GALNT13: variants seen among roughly 807,000 people sequenced by gnomAD.
The protein encoded by GALNT13 is polypeptide N-acetylgalactosaminyltransferase 13, also known as UDP-GalNAc:polypeptide N-acetylgalactosaminyltransferase 13.
Under a neutral mutation model 64.2 loss-of-function variants are expected in GALNT13, and 28 were observed. The ratio of observed to expected loss-of-function variants is 0.44; its 90% confidence interval spans 0.32 to 0.60. The LOEUF is 0.60. GALNT13 is among the 20% of genes least tolerant of loss of function. The pLI is 0.05. For missense variants in GALNT13, 577 were observed against 669.8 expected, an observed-to-expected ratio of 0.86 and a Z score of 1.53; for synonymous variants, 214 against 224.6, an observed-to-expected ratio of 0.95 and a Z score of 0.42.
chr2:153,129,779 A>AT, the GALNT13 span, among the ~76,000 whole-genome samples: 15,580 of 151,936 alleles, frequency 0.1, 842 homozygotes, highest in Non-Finnish European at 0.11. Context: ...AAAAAAAAAA[A>AT]GGAACCAATT....
chr2:154,101,306 AT>A (rs1702336114), intron 3 of GALNT13, among the ~76,000 whole-genome samples: 1 of 151,848 alleles, frequency 6.6e-6, no homozygotes, highest in South Asian at 2.1e-4. Context: ...GGTTGTAATA[AT>A]TTTATTACAA....
At chr2:153,165,004 C>T in the GALNT13 span, among the ~76,000 whole-genome samples, 1 of 152,188 alleles carries the variant, frequency 6.6e-6, no homozygotes, top group Non-Finnish European at 1.5e-5. Context: ...AGGTATATCC[C>T]ACTGTTTGAG....
At chr2:153,859,987 A>T in the GALNT13 span, among the ~76,000 whole-genome samples, 245 of 152,318 alleles carry the variant, frequency 1.6e-3, no homozygotes, top group African/African-American at 5.5e-3. Context: ...AATAACAAAA[A>T]TGTCAATCAC....
the GALNT13 span, among the ~76,000 whole-genome samples, chr2:153,771,463 C>T: frequency 6.6e-6 from 1 of 151,914 alleles, no homozygotes; most frequent in Non-Finnish European, 1.5e-5. Context: ...CACCAAAAAC[C>T]TGGAGATATA....
At chr2:154,003,557 A>G (rs182529940) in intron 3 of GALNT13, among the ~76,000 whole-genome samples, 1 of 152,050 alleles carries the variant, frequency 6.6e-6, no homozygotes, top group East Asian at 1.9e-4. Flanking sequence ...TCTCTTGCTG[A>G]TGTCACTCCT....
chr2:153,946,013 A>G (rs1320326200), intron 3 of GALNT13, among the ~76,000 whole-genome samples: 1 of 152,190 alleles, frequency 6.6e-6, no homozygotes, highest in Non-Finnish European at 1.5e-5. Flanking sequence ...GGGGAACATT[A>G]TAAGTCCATG....
At chr2:154,138,933 A>G (rs1683103387) in intron 3 of GALNT13, among the ~76,000 whole-genome samples, 1 of 152,118 alleles carries the variant, frequency 6.6e-6, no homozygotes, top group South Asian at 2.1e-4. Context: ...TTTGCTTTTT[A>G]AAGTGAATGA....
chr2:154,024,864 GGT>G (rs943753571), intron 3 of GALNT13, among the ~76,000 whole-genome samples: 1 of 152,182 alleles, frequency 6.6e-6, no homozygotes, highest in African/African-American at 2.4e-5. Context: ...CATACTGATG[GGT>G]TTTTGGTGTG....
At chr2:153,120,877 G>T in the GALNT13 span, among the ~76,000 whole-genome samples, 3 of 152,140 alleles carry the variant, frequency 2.0e-5, no homozygotes, top group African/African-American at 7.2e-5. Flanking sequence ...GAAGCCAAAC[G>T]TGATGTATCT....
At chr2:153,792,997 A>T in the GALNT13 span, among the ~76,000 whole-genome samples, 1 of 125,508 alleles carries the variant, frequency 8.0e-6, no homozygotes, top group Admixed American at 9.3e-5. Flanking sequence ...TTTGAGATGG[A>T]GTCTCACTCT....
At chr2:153,993,769 A>C (rs1695326756) in intron 3 of GALNT13, among the ~76,000 whole-genome samples, 1 of 151,924 alleles carries the variant, frequency 6.6e-6, no homozygotes. Flanking sequence ...AAGGATGCCA[A>C]ATTTTGGTGG....
chr2:153,199,838 G>A, the GALNT13 span, among the ~76,000 whole-genome samples: 3 of 152,112 alleles, frequency 2.0e-5, no homozygotes, highest in African/African-American at 7.2e-5. Context: ...TTTGAAGAAA[G>A]TCATTGAAAG....
At chr2:154,236,254 G>GTA in intron 4 of GALNT13, 1 of 743,178 alleles carries the variant, frequency 1.3e-6, no homozygotes. Context: ...TTAAAATGTT[G>GTA]GCATAAGCCT....
At chr2:153,805,264 C>G in the GALNT13 span, among the ~76,000 whole-genome samples, 1 of 151,574 alleles carries the variant, frequency 6.6e-6, no homozygotes, top group East Asian at 1.9e-4. Context: ...TACTAAAATA[C>G]AATAAGTAAC....
chr2:153,631,285 C>G, the GALNT13 span, among the ~76,000 whole-genome samples: 2 of 152,132 alleles, frequency 1.3e-5, no homozygotes, highest in African/African-American at 4.8e-5. Context: ...GTGCATGTGT[C>G]TTTATAACAG....
the GALNT13 span, among the ~76,000 whole-genome samples, chr2:153,603,997 G>T: frequency 1.3e-5 from 2 of 151,998 alleles, no homozygotes; most frequent in Non-Finnish European, 2.9e-5. Flanking sequence ...TTTGTTTTCA[G>T]TATTCCGTTT....
At chr2:153,628,387 A>G in the GALNT13 span, among the ~76,000 whole-genome samples, 2 of 152,046 alleles carry the variant, frequency 1.3e-5, no homozygotes, top group Non-Finnish European at 2.9e-5. Context: ...ACTATGTTGA[A>G]TAGGAGTGGT....
At chr2:154,205,658 G>A (rs1457804740) in intron 4 of GALNT13, among the ~76,000 whole-genome samples, 1 of 152,120 alleles carries the variant, frequency 6.6e-6, no homozygotes, top group South Asian at 2.1e-4. Flanking sequence ...GGAAGGCAAG[G>A]AGGAGCAAGT....
chr2:153,241,080 C>T, the GALNT13 span, among the ~76,000 whole-genome samples: 3 of 152,122 alleles, frequency 2.0e-5, no homozygotes, highest in Non-Finnish European at 2.9e-5. Flanking sequence ...GCCTTCTGTC[C>T]GTCTTGTCTT....
Sources: allele counts gnomAD v4.1 joint callset (sites outside exome capture counted in the v4.1 genomes callset), GRCh38; gene constraint gnomAD v4.1.1; transcripts MANE v1.5; gene names NCBI Gene and HGNC (gene_info 2026-07-23, HGNC 2026-07-21).